The following FAM168A variants were observed in gnomAD, a reference collection of about 807,000 sequenced individuals.
FAM168A encodes family with sequence similarity 168 member A.
In FAM168A, 3 loss-of-function variants were observed where a neutral mutation model predicts 28.5. That is an observed-to-expected ratio of 0.11 (90% CI 0.05 to 0.27). The LOEUF (loss-of-function observed/expected upper bound fraction) is 0.27, where lower values mean the gene tolerates loss of function less well. Ranked by LOEUF, FAM168A falls within the 10% of genes least tolerant of loss-of-function variation. The pLI is 1.00. For synonymous variants in FAM168A, 122 were observed against 124.2 expected, an observed-to-expected ratio of 0.98 and a Z score of 0.12; for missense variants, 222 against 311.5, an observed-to-expected ratio of 0.71 and a Z score of 2.16.
intron 1 of FAM168A, among the ~76,000 whole-genome samples, chr11:73,588,555 G>A (rs116811842): frequency 6.6e-6 from 1 of 152,102 alleles, no homozygotes; most frequent in African/African-American, 2.4e-5. Flanking sequence ...AGCAAGACAC[G>A]GTGGCCTGCA....
At chr11:73,570,077 AAG>A (rs149479840) in intron 1 of FAM168A, among the ~76,000 whole-genome samples, 4,513 of 152,254 alleles carry the variant, frequency 0.03, 219 homozygotes, top group African/African-American at 0.1. Context: ...AGACTCAAAT[AAG>A]AGAGATAATA....
intron 1 of FAM168A, among the ~76,000 whole-genome samples, chr11:73,591,657 A>G (rs181984380): frequency 6.6e-6 from 1 of 152,146 alleles, no homozygotes; most frequent in African/African-American, 2.4e-5. Context: ...ACAGAGGTGC[A>G]CGCCACCACA....
chr11:73,411,837 C>G (rs1866617368), intron 4 of FAM168A, among the ~76,000 whole-genome samples: 1 of 152,126 alleles, frequency 6.6e-6, no homozygotes, highest in Non-Finnish European at 1.5e-5. Context: ...GCTCTGACAG[C>G]CTGGGATTTG....
chr11:73,538,711 T>C (rs1390131488), intron 1 of FAM168A, among the ~76,000 whole-genome samples: 1 of 152,148 alleles, frequency 6.6e-6, no homozygotes, highest in East Asian at 1.9e-4. Context: ...GAAAAGGAAG[T>C]AATTTACTAA....
intron 1 of FAM168A, among the ~76,000 whole-genome samples, chr11:73,525,742 C>T (rs1943438983): frequency 6.6e-6 from 1 of 152,194 alleles, no homozygotes; most frequent in Admixed American, 6.5e-5. Flanking sequence ...TGTTCACAAC[C>T]TGCACCTCTT....
chr11:73,413,976 T>C (rs1223191268), intron 4 of FAM168A, among the ~76,000 whole-genome samples: 1 of 152,122 alleles, frequency 6.6e-6, no homozygotes, highest in African/African-American at 2.4e-5. Flanking sequence ...GGCATGAGGA[T>C]GGCTTGAGCC....
intron 1 of FAM168A, among the ~76,000 whole-genome samples, chr11:73,541,205 A>C (rs1943652309): frequency 6.6e-6 from 1 of 151,776 alleles, no homozygotes; most frequent in South Asian, 2.1e-4. Flanking sequence ...ATTCCATCTC[A>C]AATAAATAAA....
rs534026137 is a variant in FAM168A, at chr11:73,561,585, CAA to C, written c.-19+36336_-19+36337del. ...TTGTGGAATAAATACAAAGACCACACAAACGTGGTAAATGCTACTCTGTCCCT... is the reference window on the plus strand; with the variant it reads ...TTGTGGAATAAATACAAAGACCACACACGTGGTAAATGCTACTCTGTCCCT... On this transcript the variant is annotated intron_variant, in intron 1 of 7. Coordinates refer to ENST00000356467, the MANE Select transcript of FAM168A (RefSeq NM_015159.3). Among the ~76,000 whole-genome samples the C allele has an allele frequency of 2.5e-3, 374 of 152,216 alleles. 2 individuals carry two copies. Among genetic ancestry groups the C allele is most frequent in the Non-Finnish European group, 4.0e-3 (271 of 68,008 alleles).
intron 1 of FAM168A, among the ~76,000 whole-genome samples, chr11:73,491,218 G>A (rs1366117767): frequency 2.6e-5 from 4 of 152,166 alleles, no homozygotes; most frequent in Admixed American, 6.6e-5. Flanking sequence ...TGAGAAAAGA[G>A]CCCATGGAGA....
intron 1 of FAM168A, among the ~76,000 whole-genome samples, chr11:73,593,037 CAGA>C (rs1224713373): frequency 6.6e-6 from 1 of 151,984 alleles, no homozygotes; most frequent in African/African-American, 2.4e-5. Flanking sequence ...TAAAGCAAGT[CAGA>C]AGAATATTTA....
At position 73,576,574 on chromosome 11, in the gene FAM168A, C is replaced by A. The variant is rs144981809; in HGVS notation, c.-19+21349G>T. Among the ~76,000 whole-genome samples the A allele has an allele frequency of 1.5e-3, 236 of 152,268 alleles. 1 individual carries two copies. Among genetic ancestry groups the A allele is most frequent in the African/African-American group, 5.2e-3 (217 of 41,542 alleles). ...TACAATGCAGACCTCCATCTTAAAGCTCCCTTTGTGTTGGAGTGTACAGGC... is the reference window on the plus strand; with the variant it reads ...TACAATGCAGACCTCCATCTTAAAGATCCCTTTGTGTTGGAGTGTACAGGC... On this transcript the variant is annotated intron_variant, in intron 1 of 7. Coordinates refer to ENST00000356467, the MANE Select transcript of FAM168A (RefSeq NM_015159.3).
intron 1 of FAM168A, among the ~76,000 whole-genome samples, chr11:73,565,810 T>C (rs1323843285): frequency 6.6e-6 from 1 of 152,202 alleles, no homozygotes; most frequent in Admixed American, 6.5e-5. Flanking sequence ...TGATTTGTTT[T>C]AAAAGCTGCA....
intron 1 of FAM168A, among the ~76,000 whole-genome samples, chr11:73,469,987 C>T (rs1331986757): frequency 6.6e-6 from 1 of 152,144 alleles, no homozygotes; most frequent in Non-Finnish European, 1.5e-5. Flanking sequence ...TCTTGGCTCA[C>T]TGCAACCTCT....
At chr11:73,542,178 T>A (rs979741510) in intron 1 of FAM168A, among the ~76,000 whole-genome samples, 3 of 152,226 alleles carry the variant, frequency 2.0e-5, no homozygotes, top group African/African-American at 7.2e-5. Context: ...TATATGCTAA[T>A]TACTCCCAAA....
At chr11:73,532,065 G>T (rs1198965476) in intron 1 of FAM168A, among the ~76,000 whole-genome samples, 1 of 145,724 alleles carries the variant, frequency 6.9e-6, no homozygotes, top group Non-Finnish European at 1.5e-5. Flanking sequence ...TACCCTCCTT[G>T]GCCTCCCAAA....
intron 1 of FAM168A, among the ~76,000 whole-genome samples, chr11:73,534,753 T>G (rs1442062271): frequency 6.6e-6 from 1 of 152,178 alleles, no homozygotes; most frequent in Non-Finnish European, 1.5e-5. Flanking sequence ...GGGAATTGAT[T>G]ACATGAAAAT....
intron 1 of FAM168A, among the ~76,000 whole-genome samples, chr11:73,488,304 T>C (rs1422950312): frequency 1.3e-5 from 2 of 152,044 alleles, no homozygotes. Context: ...CTAATGTTTG[T>C]ATTTTTAGTA....
chr11:73,421,074 G>A (rs578074124), intron 3 of FAM168A, among the ~76,000 whole-genome samples: 4 of 150,426 alleles, frequency 2.7e-5, no homozygotes, highest in Admixed American at 2.0e-4. Context: ...AAAGTCTTGG[G>A]GGGGGGGTCA....
intron 1 of FAM168A, among the ~76,000 whole-genome samples, chr11:73,582,385 TG>T (rs1944258961): frequency 6.6e-6 from 1 of 151,750 alleles, no homozygotes; most frequent in African/African-American, 2.4e-5. Flanking sequence ...TAGCCAGGCG[TG>T]GAGGCACACA....
Sources: allele counts gnomAD v4.1 joint callset (sites outside exome capture counted in the v4.1 genomes callset), GRCh38; gene constraint gnomAD v4.1.1; transcripts MANE v1.5; gene names NCBI Gene and HGNC (gene_info 2026-07-23, HGNC 2026-07-21).